Variants in FBXL17 observed in about 807,000 individuals in gnomAD.
FBXL17 encodes the protein F-box and leucine rich repeat protein 17.
A neutral mutation model predicts 66.2 loss-of-function variants in FBXL17; 22 were observed. The ratio of observed to expected loss-of-function variants is 0.33; its 90% CI spans 0.24 to 0.47. FBXL17 has a LOEUF of 0.47. FBXL17 is among the 20% of genes least tolerant of loss of function. FBXL17 has a pLI of 1.00. For synonymous variants in FBXL17, 474 were observed against 400.5 expected (o/e 1.18, Z -2.19); for missense variants, 878 against 948.2 (o/e 0.93, Z 0.97).
intron 6 of FBXL17, among the ~76,000 whole-genome samples, chr5:108,095,027 A>G (rs567160450): frequency 8.5e-5 from 13 of 152,118 alleles, no homozygotes; most frequent in African/African-American, 2.9e-4. Flanking sequence ...GCCAAATATG[A>G]TAAGTGATAT....
At chr5:108,183,039 T>A (rs924628841) in intron 6 of FBXL17, among the ~76,000 whole-genome samples, 1 of 144,576 alleles carries the variant, frequency 6.9e-6, no homozygotes, top group Admixed American at 6.8e-5. Flanking sequence ...TTTCTATTTT[T>A]TTTTTTTTTT....
chr5:107,935,355 C>T (rs1580726593), intron 7 of FBXL17, among the ~76,000 whole-genome samples: 1 of 151,898 alleles, frequency 6.6e-6, no homozygotes, highest in African/African-American at 2.4e-5. Flanking sequence ...TGAAACAATG[C>T]TCTTGATTTT....
At chr5:107,900,532 TCAA>T (rs1255067525) in intron 7 of FBXL17, among the ~76,000 whole-genome samples, 1 of 152,168 alleles carries the variant, frequency 6.6e-6, no homozygotes, top group African/African-American at 2.4e-5. Context: ...TCTTATGCTT[TCAA>T]CAACAACAAA....
At chr5:108,114,712 C>T (rs1260546313) in intron 6 of FBXL17, among the ~76,000 whole-genome samples, 1 of 152,098 alleles carries the variant, frequency 6.6e-6, no homozygotes, top group East Asian at 1.9e-4. Context: ...CTTTTCAATG[C>T]CTGTAAAGAG....
chr5:108,013,588 A>C (rs1022764121), intron 7 of FBXL17, among the ~76,000 whole-genome samples: 3 of 152,184 alleles, frequency 2.0e-5, no homozygotes, highest in Non-Finnish European at 4.4e-5. Flanking sequence ...CATAGGCAGA[A>C]AATTTTACAT....
At chr5:108,013,579 A>G (rs895119379) in intron 7 of FBXL17, among the ~76,000 whole-genome samples, 3 of 152,102 alleles carry the variant, frequency 2.0e-5, no homozygotes, top group Non-Finnish European at 2.9e-5. Context: ...CCAACATGTC[A>G]TAGGCAGAAA....
chr5:107,910,848 A>G (rs1270235365), intron 7 of FBXL17, among the ~76,000 whole-genome samples: 1 of 152,096 alleles, frequency 6.6e-6, no homozygotes, highest in African/African-American at 2.4e-5. Flanking sequence ...CAAAATATGA[A>G]ATAGCTTTGT....
intron 8 of FBXL17, among the ~76,000 whole-genome samples, chr5:107,862,479 C>T (rs1748152033): frequency 6.6e-6 from 1 of 152,122 alleles, no homozygotes; most frequent in South Asian, 2.1e-4. Context: ...ACAAGGCAAT[C>T]AGACAGGCCT....
At chr5:107,962,249 C>T (rs1321365910) in intron 7 of FBXL17, among the ~76,000 whole-genome samples, 1 of 152,012 alleles carries the variant, frequency 6.6e-6, no homozygotes, top group Non-Finnish European at 1.5e-5. Flanking sequence ...GTATACCTCA[C>T]CAGTTAAAAA....
chr5:108,049,280 T>C (rs1167973538), intron 6 of FBXL17, among the ~76,000 whole-genome samples: 1 of 151,650 alleles, frequency 6.6e-6, no homozygotes, highest in African/African-American at 2.4e-5. Context: ...GTAGATGGGA[T>C]TACAGGCACC....
chr5:107,959,642 T>C (rs1359677711), intron 7 of FBXL17, among the ~76,000 whole-genome samples: 2 of 152,042 alleles, frequency 1.3e-5, no homozygotes, highest in Admixed American at 6.6e-5. Flanking sequence ...ACATCCCCAA[T>C]GCATAAAGTT....
At chr5:108,212,196 T>C (rs1364988689) in intron 5 of FBXL17, among the ~76,000 whole-genome samples, 1 of 152,216 alleles carries the variant, frequency 6.6e-6, no homozygotes, top group African/African-American at 2.4e-5. Context: ...CATTCTTCTC[T>C]ACACTGGTTA....
intron 4 of FBXL17, among the ~76,000 whole-genome samples, chr5:108,306,957 C>T (rs939349440): frequency 6.6e-6 from 1 of 152,004 alleles, no homozygotes; most frequent in Non-Finnish European, 1.5e-5. Context: ...TAATCCCTCC[C>T]ATTTATTGGT....
intron 4 of FBXL17, among the ~76,000 whole-genome samples, chr5:108,309,156 C>T (rs906392366): frequency 6.6e-6 from 1 of 151,954 alleles, no homozygotes; most frequent in African/African-American, 2.4e-5. Context: ...AGACCAAAGT[C>T]GTTTTTTAAA....
intron 3 of FBXL17, among the ~76,000 whole-genome samples, chr5:108,360,438 T>G (rs1212685297): frequency 6.6e-6 from 1 of 152,144 alleles, no homozygotes; most frequent in Non-Finnish European, 1.5e-5. Context: ...TTCCATAGTT[T>G]CTGATGATAA....
intron 7 of FBXL17, among the ~76,000 whole-genome samples, chr5:107,995,079 T>A (rs192451524): frequency 6.6e-6 from 1 of 152,294 alleles, no homozygotes; most frequent in Admixed American, 6.5e-5. Flanking sequence ...TTGTGAAGAT[T>A]CACTGAACTG....
intron 3 of FBXL17, among the ~76,000 whole-genome samples, chr5:108,354,310 G>A (rs1580875115): frequency 6.6e-6 from 1 of 152,244 alleles, no homozygotes; most frequent in African/African-American, 2.4e-5. Flanking sequence ...AATATGTTAA[G>A]AGCTTTAATG....
chr5:107,969,077 C>A (rs1752262381), intron 7 of FBXL17, among the ~76,000 whole-genome samples: 1 of 152,130 alleles, frequency 6.6e-6, no homozygotes, highest in Admixed American at 6.5e-5. Context: ...CCATGTTCAT[C>A]ACTTATATAT....
chr5:108,122,139 T>C (rs1750528946), intron 6 of FBXL17, among the ~76,000 whole-genome samples: 1 of 152,086 alleles, frequency 6.6e-6, no homozygotes. Flanking sequence ...GTACTATATA[T>C]ATCATAATAT....
Sources: gnomAD v4.1 joint callset for allele counts (sites outside exome capture counted in the v4.1 genomes callset) on GRCh38, gnomAD v4.1.1 for gene constraint, MANE v1.5 for transcripts, NCBI Gene and HGNC (gene_info 2026-07-23, HGNC 2026-07-21) for gene names.